Variants in CERK observed in about 807,000 individuals in gnomAD.
The protein encoded by CERK is acylsphingosine kinase.
CERK carries 39 observed loss-of-function variants against 63.4 expected under a neutral mutation model. That is an observed-to-expected ratio of 0.61 (90% CI 0.48 to 0.80). CERK has a LOEUF of 0.80. Among genes scored for constraint, CERK ranks in the 30% least tolerant of loss-of-function variants. The pLI is 0.00. For missense variants in CERK, 670 were observed against 714.1 expected (o/e 0.94, Z 0.70); for synonymous variants, 302 against 280.0 (o/e 1.08, Z -0.78).
In CERK at chr22:46,712,241, T is replaced by C. The variant is rs1448898677; in HGVS notation, c.432A>G (p.Gly144=). 6.2e-7 allele frequency: 1 copy of C among 1,614,128 alleles called. No individual in the cohort carries two copies. Among genetic ancestry groups the C allele is most frequent in the Non-Finnish European group, 8.5e-7 (1 of 1,179,954 alleles). ...TTCTTTCATATATCCGCTTGCCTTG[T>C]CCTTTTCCTCCAAACGGGTTGATAA... The part of the protein sequence containing the change: ...LVFINPFGGK[G]QGKRIYERKV... Residue 144 remains glycine (G), a synonymous_variant, in exon 4 of 13, where the codon GGA becomes GGG. Coordinates refer to ENST00000216264, the MANE Select transcript of CERK (RefSeq NM_022766.6).
intron 1 of CERK, among the ~76,000 whole-genome samples, chr22:46,732,688 C>T (rs1184126071): frequency 2.6e-5 from 4 of 151,828 alleles, no homozygotes; most frequent in African/African-American, 9.7e-5. Context: ...AGCCCAGAAG[C>T]GTCCTGAAAC....
At chr22:46,708,804 G>A (rs1205576937) in intron 5 of CERK, among the ~76,000 whole-genome samples, 2 of 152,122 alleles carry the variant, frequency 1.3e-5, no homozygotes, top group African/African-American at 2.4e-5. Flanking sequence ...TATAGCCTAC[G>A]GCAGCCCAAG....
At position 46,706,428 on chromosome 22, in the gene CERK, T is replaced by C. The variant is rs190883081; in HGVS notation, c.715+1415A>G. Among the ~76,000 whole-genome samples, 25 of 152,260 alleles carry C rather than the reference T, an allele frequency of 1.6e-4. No individual in the cohort carries two copies. In the East Asian group the frequency reaches 4.8e-3, roughly 29 times the overall value. On this transcript the variant is annotated intron_variant, in intron 6 of 12. Transcript: ENST00000216264. ...GAGATCCAGCGGGATGTTGCTATAATGCTTTGGTTTATCTGAGAGACTTGT... is the reference window on the plus strand; with the variant it reads ...GAGATCCAGCGGGATGTTGCTATAACGCTTTGGTTTATCTGAGAGACTTGT...
At chr22:46,691,043 ATG>A (rs898034058) in intron 11 of CERK, among the ~76,000 whole-genome samples, 14 of 135,266 alleles carry the variant, frequency 1.0e-4, no homozygotes, top group Admixed American at 4.0e-4. Context: ...ATACACACAC[ATG>A]TATACATACA....
rs952603774 is a variant in CERK, at chr22:46,729,172, G to T, written c.143-8157C>A. Among the ~76,000 whole-genome samples the T allele has an allele frequency of 9.2e-4, 140 of 152,226 alleles. 2 individuals are homozygous for T. Among genetic ancestry groups the T allele is most frequent in the Non-Finnish European group, 4.4e-4 (30 of 68,006 alleles). ...GAGGCCAGAAGATTGAGACCAACCTGGACAACATAGTGAGGCCCTGTCTCT... is the reference window on the plus strand; with the variant it reads ...GAGGCCAGAAGATTGAGACCAACCTTGACAACATAGTGAGGCCCTGTCTCT... On this transcript the variant is annotated intron_variant, in intron 1 of 12. Transcript: ENST00000216264.
At chr22:46,702,284 G>A (rs542967742) in intron 6 of CERK, among the ~76,000 whole-genome samples, 1 of 124,822 alleles carries the variant, frequency 8.0e-6, no homozygotes, top group African/African-American at 3.2e-5. Flanking sequence ...TACAATTATA[G>A]GCATAACAAA....
At chr22:46,721,709 G>A (rs544004664) in intron 1 of CERK, among the ~76,000 whole-genome samples, 1 of 152,274 alleles carries the variant, frequency 6.6e-6, no homozygotes, top group African/African-American at 2.4e-5. Flanking sequence ...AGGGAGACAC[G>A]TGACAGGACC....
chr22:46,695,632 C>T (rs754219219), intron 8 of CERK, among the ~76,000 whole-genome samples: 4 of 152,228 alleles, frequency 2.6e-5, no homozygotes, highest in African/African-American at 7.2e-5. Flanking sequence ...CTCATAGCCT[C>T]GATGATGTGG....
chr22:46,693,561 G>T, intron 9 of CERK, 58 bp from the exon 10 acceptor site: 1 of 1,341,426 alleles, frequency 7.5e-7, no homozygotes, highest in Non-Finnish European at 1.1e-6. Flanking sequence ...CAGTGCGTAT[G>T]CTTGGCACAT....
chr22:46,701,687 A>G lies in CERK; in HGVS notation c.739T>C (p.Ser247Pro). 6.4e-7 allele frequency: 1 copy of G among 1,558,374 alleles called. No homozygotes were observed. Among genetic ancestry groups the G allele is most frequent in the Non-Finnish European group, 8.7e-7 (1 of 1,150,836 alleles). The change falls in exon 7 of 13, where the codon TCC (serine) becomes CCC (proline). Residue 247 changes from serine (S) to proline (P), a missense_variant. Ser to Pro is a moderately conservative substitution (Grantham distance 74). Transcript: ENST00000216264. ...PAGSTDCVCYSTVGTSDAETS... is the reference protein window; with the variant it reads ...PAGSTDCVCYPTVGTSDAETS... ...TCTGCGTCGCTGGTGCCCACGGTGG[A>G]GTAACACACGCAGTCCGTTGACCCT...
chr22:46,733,060 T>G (rs1186302107), intron 1 of CERK, among the ~76,000 whole-genome samples: 3 of 150,948 alleles, frequency 2.0e-5, no homozygotes, highest in African/African-American at 7.3e-5. Context: ...TACAAAAAAT[T>G]AGCCGGGTGC....
At chr22:46,731,257 G>A (rs1010180036) in intron 1 of CERK, among the ~76,000 whole-genome samples, 6 of 152,234 alleles carry the variant, frequency 3.9e-5, no homozygotes, top group Non-Finnish European at 8.8e-5. Context: ...GGGGAGACAG[G>A]GCTTTCACTG....
chr22:46,701,867 T>C (rs1266752216), intron 6 of CERK, among the ~76,000 whole-genome samples, 157 bp from the exon 7 acceptor site: 3 of 151,972 alleles, frequency 2.0e-5, no homozygotes, highest in Non-Finnish European at 4.4e-5. Flanking sequence ...ATATAGAAAA[T>C]ACTAGCGTTG....
intron 7 of CERK, among the ~76,000 whole-genome samples, chr22:46,701,179 C>T (rs1363477533): frequency 6.6e-6 from 1 of 152,182 alleles, no homozygotes; most frequent in East Asian, 1.9e-4. Context: ...TTCTGCTCTT[C>T]CTGACCGGGG....
chr22:46,716,259 C>T (rs994161071), intron 3 of CERK, among the ~76,000 whole-genome samples: 6 of 150,464 alleles, frequency 4.0e-5, no homozygotes, highest in East Asian at 2.0e-4. Flanking sequence ...TGCATGATCT[C>T]GACTCACTGC....
At chr22:46,725,946 T>G (rs888465523) in intron 1 of CERK, among the ~76,000 whole-genome samples, 3 of 152,254 alleles carry the variant, frequency 2.0e-5, no homozygotes, top group African/African-American at 7.2e-5. Flanking sequence ...AGAATTAAAT[T>G]TATTTCATGC....
At chr22:46,701,809 G>T (rs1383351675) in intron 6 of CERK, 99 bp from the exon 7 acceptor site, 1 of 805,226 alleles carries the variant, frequency 1.2e-6, no homozygotes, top group Non-Finnish European at 2.0e-6. Flanking sequence ...TCCTTCCATG[G>T]CCCTAGAGTC....
At chr22:46,693,203 G>C (rs1861738) in intron 10 of CERK, among the ~76,000 whole-genome samples, 1 of 151,890 alleles carries the variant, frequency 6.6e-6, no homozygotes, top group Non-Finnish European at 1.5e-5. Flanking sequence ...TTTCAGAAAG[G>C]GTAACGGGGC....
At position 46,687,070 on chromosome 22, in the gene CERK, G is replaced by A; in HGVS notation, c.*64C>T. 1 of 1,280,596 alleles carries A rather than the reference G, an allele frequency of 7.8e-7. No homozygotes were observed. Among genetic ancestry groups the A allele is most frequent in the South Asian group, 1.2e-5 (1 of 83,388 alleles). The allele number at this position is 1,280,596 out of a possible 1,614,324, so 79.3% of individuals were successfully genotyped here. A position where few individuals can be genotyped will look rare whatever the true frequency, so the allele number is the denominator to read the frequency against. On this transcript the variant is annotated 3_prime_UTR_variant, in exon 13 of 13. Coordinates refer to ENST00000216264, the MANE Select transcript of CERK (RefSeq NM_022766.6). ...TTAAATGTATATATCAACATAATTG[G>A]TCTGTAATAATTATCTTAAATAGTT...
Sources: gnomAD v4.1 joint callset for allele counts (sites outside exome capture counted in the v4.1 genomes callset) on GRCh38, gnomAD v4.1.1 for gene constraint, MANE v1.5 for transcripts, NCBI Gene and HGNC (gene_info 2026-07-23, HGNC 2026-07-21) for gene names.